The following ARHGAP22 variants were observed in gnomAD, a reference collection of about 807,000 sequenced individuals.
The protein encoded by ARHGAP22 is Rho GTPase activating protein 22, also known as rho GTPase-activating protein 22.
In ARHGAP22, 48 loss-of-function variants were observed where a neutral mutation model predicts 59.1. The observed-to-expected ratio is 0.81, with a 90% CI of 0.64 to 1.03. The LOEUF (loss-of-function observed/expected upper bound fraction) is 1.03, where lower values mean the gene tolerates loss of function less well. Ranked by LOEUF, ARHGAP22 falls within the 50% of genes least tolerant of loss-of-function variation. The pLI is 0.00. For synonymous variants in ARHGAP22, 445 were observed against 416.4 expected (o/e 1.07, Z -0.84); for missense variants, 1,015 against 958.7 (o/e 1.06, Z -0.78).
intron 3 of ARHGAP22, among the ~76,000 whole-genome samples, chr10:48,538,372 A>G (rs968241162): frequency 2.0e-5 from 3 of 152,158 alleles, no homozygotes; most frequent in African/African-American, 7.2e-5. Flanking sequence ...ATCTGCATGA[A>G]TTCTGGGGGA....
intron 3 of ARHGAP22, among the ~76,000 whole-genome samples, chr10:48,536,320 G>A (rs2055351961): frequency 6.6e-6 from 1 of 152,190 alleles, no homozygotes; most frequent in South Asian, 2.1e-4. Context: ...CTGCCAGCAG[G>A]GGAAGGAAAG....
chr10:48,646,517 A>T (rs1343916941), intron 1 of ARHGAP22, among the ~76,000 whole-genome samples: 1 of 152,248 alleles, frequency 6.6e-6, no homozygotes, highest in Non-Finnish European at 1.5e-5. Context: ...AGAATCCAGA[A>T]GTAAACCCCA....
intron 3 of ARHGAP22, among the ~76,000 whole-genome samples, chr10:48,511,834 A>G (rs943811320): frequency 6.6e-6 from 1 of 152,258 alleles, no homozygotes; most frequent in Non-Finnish European, 1.5e-5. Flanking sequence ...CAGCTTGTCA[A>G]GATGAGCACT....
intron 3 of ARHGAP22, among the ~76,000 whole-genome samples, chr10:48,520,741 C>G (rs2053728017): frequency 6.6e-6 from 1 of 151,970 alleles, no homozygotes; most frequent in South Asian, 2.1e-4. Flanking sequence ...GGGCAAAACC[C>G]CAGAAGGCAA....
At chr10:48,590,226 G>A (rs758850518) in intron 1 of ARHGAP22, among the ~76,000 whole-genome samples, 1 of 151,948 alleles carries the variant, frequency 6.6e-6, no homozygotes, top group Non-Finnish European at 1.5e-5. Flanking sequence ...TGGTATGGAG[G>A]GGCAGGGTGC....
intron 9 of ARHGAP22, among the ~76,000 whole-genome samples, chr10:48,449,887 C>A (rs894109401): frequency 6.6e-6 from 1 of 152,246 alleles, no homozygotes; most frequent in Non-Finnish European, 1.5e-5. Flanking sequence ...AGCATCCAGG[C>A]TATGAGCCCT....
At chr10:48,526,396 C>T (rs1362857205) in intron 3 of ARHGAP22, among the ~76,000 whole-genome samples, 1 of 152,114 alleles carries the variant, frequency 6.6e-6, no homozygotes, top group Non-Finnish European at 1.5e-5. Context: ...GGTTTTCCTG[C>T]GTTAGATCCG....
chr10:48,610,634 T>A (rs2060846726), intron 1 of ARHGAP22, among the ~76,000 whole-genome samples: 1 of 152,124 alleles, frequency 6.6e-6, no homozygotes, highest in South Asian at 2.1e-4. Context: ...GTAAGAGTTT[T>A]TTTAGGGATT....
chr10:48,614,652 C>T (rs1467581843), intron 1 of ARHGAP22, among the ~76,000 whole-genome samples: 5 of 152,202 alleles, frequency 3.3e-5, no homozygotes, highest in Non-Finnish European at 2.9e-5. Context: ...CAACAGCTTG[C>T]ATCAGCCAGG....
chr10:48,480,944 A>T (rs1286662761), intron 3 of ARHGAP22, among the ~76,000 whole-genome samples: 1 of 152,212 alleles, frequency 6.6e-6, no homozygotes, highest in Non-Finnish European at 1.5e-5. Context: ...GCTGAGGCAG[A>T]GGGTGGGGCT....
intron 2 of ARHGAP22, among the ~76,000 whole-genome samples, chr10:48,567,252 G>T: frequency 6.6e-6 from 1 of 152,212 alleles, no homozygotes; most frequent in Non-Finnish European, 1.5e-5. Context: ...CTGCACTACT[G>T]GTCCTCACCC....
intron 2 of ARHGAP22, among the ~76,000 whole-genome samples, chr10:48,561,342 T>C (rs1590192448): frequency 6.6e-6 from 1 of 152,248 alleles, no homozygotes; most frequent in East Asian, 1.9e-4. Context: ...TCACACCATA[T>C]ATAAAAATAT....
intron 4 of ARHGAP22, among the ~76,000 whole-genome samples, chr10:48,476,684 G>A (rs1470013303): frequency 4.6e-5 from 7 of 152,254 alleles, no homozygotes; most frequent in African/African-American, 1.7e-4. Flanking sequence ...TCAGCACACA[G>A]CCTGGGAAGG....
chr10:48,479,565 G>C, intron 4 of ARHGAP22, 71 bp downstream of exon 4: 2 of 1,611,554 alleles, frequency 1.2e-6, no homozygotes, highest in Non-Finnish European at 1.7e-6. Context: ...TTGGGGCTCA[G>C]GACAGGCAGG....
intron 1 of ARHGAP22, among the ~76,000 whole-genome samples, chr10:48,634,805 A>G (rs1249537291): frequency 6.6e-6 from 1 of 152,094 alleles, no homozygotes; most frequent in Non-Finnish European, 1.5e-5. Flanking sequence ...TTAAATATCA[A>G]AGTTAAAATG....
chr10:48,594,798 G>C (rs1411484966), intron 1 of ARHGAP22, among the ~76,000 whole-genome samples: 1 of 152,098 alleles, frequency 6.6e-6, no homozygotes, highest in Non-Finnish European at 1.5e-5. Flanking sequence ...TCACTCTTCA[G>C]TTGGGGGCTC....
At chr10:48,449,600 G>A (rs1393964437) in intron 9 of ARHGAP22, among the ~76,000 whole-genome samples, 1 of 152,236 alleles carries the variant, frequency 6.6e-6, no homozygotes. Context: ...AGGGACCAAG[G>A]AGTCTGAGAT....
chr10:48,544,756 CT>C (rs1239444560), intron 3 of ARHGAP22, among the ~76,000 whole-genome samples: 11 of 152,278 alleles, frequency 7.2e-5, no homozygotes, highest in African/African-American at 2.6e-4. Flanking sequence ...ACAGTGAATG[CT>C]CGCAACACAA....
intron 2 of ARHGAP22, among the ~76,000 whole-genome samples, chr10:48,567,308 T>C (rs543652681): frequency 1.3e-5 from 2 of 152,218 alleles, no homozygotes; most frequent in South Asian, 2.1e-4. Context: ...TTGTCATTCA[T>C]GTGAACATTC....
Sources: allele counts gnomAD v4.1 joint callset (sites outside exome capture counted in the v4.1 genomes callset), GRCh38; gene constraint gnomAD v4.1.1; transcripts MANE v1.5; gene names NCBI Gene and HGNC (gene_info 2026-07-23, HGNC 2026-07-21).